The following ATRX variants were observed in gnomAD, a reference collection of about 807,000 sequenced individuals.
The protein encoded by ATRX is chromatin remodeler ATRX.
ATRX carries 12 observed loss-of-function variants against 172.6 expected under a neutral mutation model. The observed-to-expected ratio is 0.07, with a 90% CI of 0.04 to 0.11. ATRX has a LOEUF of 0.11. Ranked by LOEUF, ATRX falls within the 10% of genes least tolerant of loss-of-function variation. The pLI is 1.00. For synonymous variants in ATRX, 674 were observed against 594.7 expected, an observed-to-expected ratio of 1.13 and a Z score of -1.94; for missense variants, 1,368 against 1,767.4, an observed-to-expected ratio of 0.77 and a Z score of 4.05.
At position 77,558,519 on chromosome X, in the gene ATRX, A is replaced by C. The variant is rs184131799; in HGVS notation, c.6504+150T>G. On this transcript the variant is annotated intron_variant, in intron 29 of 34. Coordinates refer to ENST00000373344, the MANE Select transcript of ATRX (RefSeq NM_000489.6). ...ATACACTACAAAACAGAAAATCAAG[A>C]AAAGCCAAAACTGACTTCTGCTGCT... The C allele has an allele frequency of 1.4e-4, 67 of 493,843 alleles. 2 individuals carry two copies. The Admixed American group carries it at 1.6e-3, about 12-fold the overall frequency. 40.7% of individuals were successfully genotyped at this position (493,843 alleles called of 1,213,427 possible).
At chrX:77,530,717 C>G (rs905195208) in intron 30 of ATRX, among the ~76,000 whole-genome samples, 2 of 110,411 alleles carry the variant, frequency 1.8e-5, no homozygotes, top group Non-Finnish European at 3.8e-5. Flanking sequence ...CAATCAAACC[C>G]CAAAGCTAGC....
intron 6 of ATRX, among the ~76,000 whole-genome samples, chrX:77,690,087 T>A (rs1007655905): frequency 1.7e-4 from 19 of 112,053 alleles, no homozygotes; most frequent in Admixed American, 2.8e-4. Flanking sequence ...TTTAAAAAAA[T>A]TTTTAAGAGC....
chrX:77,634,511 G>C, intron 17 of ATRX, 83 bp downstream of exon 17: 2 of 817,972 alleles, frequency 2.4e-6, no homozygotes, highest in Middle Eastern at 2.9e-4. Flanking sequence ...CAGCCCCTAC[G>C]ACTGTGCCTG....
At chrX:77,743,494 T>G (rs1557183313) in intron 1 of ATRX, among the ~76,000 whole-genome samples, 2 of 110,724 alleles carry the variant, frequency 1.8e-5, no homozygotes, top group Non-Finnish European at 3.8e-5. Flanking sequence ...ACCAGGGGAT[T>G]CCACAACCAA....
At chrX:77,554,115 G>T (rs782604868) in intron 30 of ATRX, among the ~76,000 whole-genome samples, 1 of 110,972 alleles carries the variant, frequency 9.0e-6, no homozygotes, top group Admixed American at 9.6e-5. Flanking sequence ...GACCAGCCTG[G>T]CCAACATGGT....
intron 28 of ATRX, among the ~76,000 whole-genome samples, chrX:77,561,898 T>C (rs1418291773): frequency 2.7e-5 from 3 of 111,726 alleles, no homozygotes; most frequent in African/African-American, 9.7e-5. Flanking sequence ...ATCAGTTTTT[T>C]GTTTGATGTA....
At chrX:77,639,505 G>A (rs191568378) in intron 15 of ATRX, among the ~76,000 whole-genome samples, 5 of 111,767 alleles carry the variant, frequency 4.5e-5, no homozygotes, top group Admixed American at 3.8e-4. Context: ...GTAGAGCCAC[G>A]CTCACTAAGC....
chrX:77,617,276 A>G (rs1395266002), intron 21 of ATRX, among the ~76,000 whole-genome samples: 8 of 112,171 alleles, frequency 7.1e-5, no homozygotes, highest in African/African-American at 2.6e-4. Context: ...GTAGAAAAAC[A>G]GAACACCAAT....
Position 77,684,354 on chromosome X carries a change from T to A in ATRX, c.902A>T (p.Asp301Val), listed in dbSNP as rs2148635109. ...ATATACTTTATTACTCTTTTCACTG[T>A]CAACTTTTATCTTCTTCTTATTTTG... ...LQQNKKKIKV[D>V]SEKSNKVYEH... The change falls in exon 9 of 35, where the codon GAC becomes GTC. Residue 301 changes from aspartate (D) to valine (V), a missense_variant. Physicochemically the swap from Asp to Val is radical, Grantham distance 152. Transcript: ENST00000373344. 1 of 1,209,641 alleles carries A rather than the reference T, an allele frequency of 8.3e-7. No homozygotes were observed. Among genetic ancestry groups the A allele is most frequent in the Non-Finnish European group, 1.1e-6 (1 of 893,340 alleles).
chrX:77,636,985 AGAAG>A (rs201785066), intron 15 of ATRX, among the ~76,000 whole-genome samples: 5,294 of 104,715 alleles, frequency 0.051, 382 homozygotes, highest in African/African-American at 0.18. Context: ...AGAAGGAAGA[AGAAG>A]GAAGGAGGAG....
chrX:77,623,109 T>C (rs1362953045), intron 19 of ATRX, among the ~76,000 whole-genome samples: 10 of 110,062 alleles, frequency 9.1e-5, no homozygotes, highest in Non-Finnish European at 1.7e-4. Flanking sequence ...AAAAGATAAA[T>C]GAAACAATAA....
chrX:77,539,504 C>G (rs1368602734), intron 30 of ATRX, among the ~76,000 whole-genome samples: 1 of 109,620 alleles, frequency 9.1e-6, no homozygotes, highest in African/African-American at 3.3e-5. Context: ...TAAGTTCAAA[C>G]ACCGCCAGGA....
At chrX:77,783,277 C>A (rs2076627669) in intron 1 of ATRX, among the ~76,000 whole-genome samples, 1 of 111,730 alleles carries the variant, frequency 9.0e-6, no homozygotes, top group South Asian at 3.7e-4. Context: ...AGCAGTGACA[C>A]CCAGGTACCC....
intron 27 of ATRX, among the ~76,000 whole-genome samples, chrX:77,578,310 G>C (rs1221480984): frequency 8.9e-6 from 1 of 112,166 alleles, no homozygotes; most frequent in Non-Finnish European, 1.9e-5. Context: ...GACTTAGTCA[G>C]ATACCACTGG....
intron 1 of ATRX, among the ~76,000 whole-genome samples, chrX:77,730,113 CAT>C (rs1355344398): frequency 3.6e-5 from 4 of 111,858 alleles, no homozygotes; most frequent in South Asian, 3.7e-4. Context: ...AACCTCCTAA[CAT>C]GTGTCCTTAT....
intron 28 of ATRX, among the ~76,000 whole-genome samples, chrX:77,559,805 G>A (rs1219528661): frequency 1.8e-5 from 2 of 110,594 alleles, no homozygotes; most frequent in African/African-American, 6.6e-5. Context: ...ATTGGTGATA[G>A]GTATATAGAA....
intron 12 of ATRX, among the ~76,000 whole-genome samples, chrX:77,662,732 G>A (rs1336336125): frequency 4.5e-5 from 5 of 110,265 alleles, no homozygotes; most frequent in East Asian, 2.8e-4. Flanking sequence ...TCGCTCTGCC[G>A]CTCAAGTTGG....
At chrX:77,700,527 G>A (rs1180671713) in intron 2 of ATRX, among the ~76,000 whole-genome samples, 2 of 112,020 alleles carry the variant, frequency 1.8e-5, no homozygotes, top group African/African-American at 6.5e-5. Context: ...AAAATAACCT[G>A]CATGGAGATA....
rs1356606735 is a variant in ATRX, at chrX:77,703,508, C to T, written c.134-4879G>A. Reference sequence around the variant, plus strand: ...CAGCTGGCACCAGGGAACACGGTGGCACCCAGAAGTTTGGAGACACCAGGA... The same window carrying T: ...CAGCTGGCACCAGGGAACACGGTGGTACCCAGAAGTTTGGAGACACCAGGA... On this transcript the variant is annotated intron_variant, in intron 2 of 34. Transcript: ENST00000373344. Among the ~76,000 whole-genome samples the T allele has an allele frequency of 2.7e-5, 3 of 112,498 alleles. No individual in the cohort carries two copies. In the East Asian group the frequency reaches 8.5e-4, roughly 32 times the overall value.
Sources: gnomAD v4.1 joint callset for allele counts (sites outside exome capture counted in the v4.1 genomes callset) on GRCh38, gnomAD v4.1.1 for gene constraint, MANE v1.5 for transcripts, NCBI Gene and HGNC (gene_info 2026-07-23, HGNC 2026-07-21) for gene names.